The following PPP2R3B variants were observed in gnomAD, a reference collection of about 807,000 sequenced individuals.
PPP2R3B encodes the protein protein phosphatase 2 regulatory subunit B''beta, also known as serine/threonine-protein phosphatase 2A regulatory subunit B'' subunit beta.
PPP2R3B carries 68 observed loss-of-function variants against 72.9 expected under a neutral mutation model. The observed-to-expected ratio is 0.93, with a 90% CI of 0.77 to 1.14. The LOEUF (loss-of-function observed/expected upper bound fraction) is 1.14. PPP2R3B is among the 50% of genes most tolerant of loss of function. PPP2R3B has a pLI of 0.00. For synonymous variants in PPP2R3B, 466 were observed against 375.8 expected (o/e 1.24, Z -2.78); for missense variants, 1,018 against 842.0 (o/e 1.21, Z -2.59).
chrX:367,925 CA>C (rs1231402902), intron 1 of PPP2R3B, among the ~76,000 whole-genome samples: 1 of 152,204 alleles, frequency 6.6e-6, no homozygotes, highest in African/African-American at 2.4e-5. Flanking sequence ...TGAAGTGACA[CA>C]AGGTGATGGA....
intron 1 of PPP2R3B, among the ~76,000 whole-genome samples, chrX:363,662 C>G (rs113861427): frequency 0.29 from 588 of 2,042 alleles, 32 homozygotes; most frequent in South Asian, 0.35. Context: ...CTGTGCCCAC[C>G]ATCCCACAAT....
chrX:345,384 A>G, intron 7 of PPP2R3B, 132 bp downstream of exon 7: 2 of 1,219,724 alleles, frequency 1.6e-6, no homozygotes, highest in Non-Finnish European at 2.3e-6. Flanking sequence ...CAGAGCGGCG[A>G]GTGCGAAGGA....
intron 1 of PPP2R3B, among the ~76,000 whole-genome samples, chrX:379,131 AC>A (rs1271294125): frequency 2.1e-5 from 3 of 145,878 alleles, no homozygotes; most frequent in Non-Finnish European, 3.0e-5. Context: ...GTGTGTATGC[AC>A]CTATGTGTGT....
intron 1 of PPP2R3B, among the ~76,000 whole-genome samples, chrX:374,205 CT>C (rs1303761365): frequency 6.6e-6 from 1 of 152,128 alleles, no homozygotes; most frequent in African/African-American, 2.4e-5. Flanking sequence ...GGCGAAGGCG[CT>C]CCCCGCGAGA....
rs1055869941 is a variant in PPP2R3B at position 341,909 on chromosome X, G to A, written c.1059C>T (p.Asp353=). ...GTGTGACTGCTCCTGAGAAGATCCT[G>A]TCTATCATCTTGGTAGAAAGGGCTG... ...NDHALSTKMI[D]RIFSGAVTRG... is the part of the protein sequence containing the mutation. The change falls in exon 8 of 13, where the codon GAC becomes GAT. Residue 353 remains aspartate (D), a synonymous_variant. Coordinates refer to ENST00000390665, the MANE Select transcript of PPP2R3B (RefSeq NM_013239.5). 4 of 1,612,562 alleles carry A rather than the reference G, an allele frequency of 2.5e-6. No homozygotes were observed. Among genetic ancestry groups the A allele is most frequent in the African/African-American group, 2.7e-5 (2 of 74,944 alleles).
intron 2 of PPP2R3B, among the ~76,000 whole-genome samples, chrX:349,246 C>T (rs1450469651): frequency 2.6e-5 from 4 of 152,222 alleles, no homozygotes; most frequent in African/African-American, 4.8e-5. Flanking sequence ...CCTTCCACCC[C>T]GTGAGGACGC....
intron 12 of PPP2R3B, chrX:335,415 CAA>C (rs1287276834): frequency 1.3e-5 from 2 of 152,370 alleles, no homozygotes; most frequent in East Asian, 3.9e-4. Flanking sequence ...ACCGTGCAAA[CAA>C]TGACCACGAG....
At chrX:347,123 C>G (rs1467328836) in intron 4 of PPP2R3B, 111 bp downstream of exon 4, 1 of 1,212,918 alleles carries the variant, frequency 8.2e-7, no homozygotes, top group African/African-American at 1.6e-5. Flanking sequence ...CGGACCCTCC[C>G]GTGAGGGATG....
chrX:355,559 C>T (rs926599443), intron 2 of PPP2R3B, among the ~76,000 whole-genome samples: 3 of 152,170 alleles, frequency 2.0e-5, no homozygotes, highest in Admixed American at 6.6e-5. Context: ...CCCAGAAAGC[C>T]GGAAGTGGAA....
At chrX:339,276 G>GGC (rs1569376452) in intron 10 of PPP2R3B, among the ~76,000 whole-genome samples, 1 of 150,042 alleles carries the variant, frequency 6.7e-6, no homozygotes. Flanking sequence ...CATGGCCGGG[G>GGC]GGGGCAGGGC....
chrX:345,393 G>A (rs780093497), intron 7 of PPP2R3B, 123 bp downstream of exon 7: 1 of 1,334,214 alleles, frequency 7.5e-7, no homozygotes, highest in Non-Finnish European at 1.0e-6. Context: ...GAGTGCGAAG[G>A]AGAGGCAGCT....
Position 334,109 on chromosome X carries a change from G to A in PPP2R3B, c.*258C>T, listed in dbSNP as rs185984827. 4.6e-5 allele frequency: 17 copies of A among 370,854 alleles called. No homozygotes were observed. Among genetic ancestry groups the A allele is most frequent in the Middle Eastern group, 7.1e-4 (1 of 1,406 alleles). 23.0% of individuals were successfully genotyped at this position (370,854 alleles called of 1,614,324 possible). On this transcript the variant is annotated 3_prime_UTR_variant, in exon 13 of 13. Transcript: ENST00000390665. The stretch of plus-strand genomic sequence containing the variant: ...CAGGCCCCGGAACCCAGGCTGGGTC[G>A]GGAACGGCAAGCGCCAGAGGGTGTC...
rs374576668 is a variant in PPP2R3B at position 340,746 on chromosome X, T to C, written c.1351+19A>G. On this transcript the variant is annotated intron_variant, in intron 10 of 12. Coordinates refer to ENST00000390665, the MANE Select transcript of PPP2R3B (RefSeq NM_013239.5). Reference sequence around the variant, plus strand: ...CCGTCCGTCCCCTCACCCTGGGCCATGCCCTCACGGGGCATCACCTTCAGT... The same window carrying C: ...CCGTCCGTCCCCTCACCCTGGGCCACGCCCTCACGGGGCATCACCTTCAGT... The C allele has an allele frequency of 1.5e-5, 24 of 1,589,634 alleles. No individual in the cohort carries two copies. Among genetic ancestry groups the C allele is most frequent in the Non-Finnish European group, 2.1e-5 (24 of 1,162,042 alleles).
At chrX:361,630 G>T in intron 1 of PPP2R3B, 40 bp from the exon 2 acceptor site, 1 of 1,603,916 alleles carries the variant, frequency 6.2e-7, no homozygotes, top group Non-Finnish European at 8.5e-7. Context: ...GAACCTGGGA[G>T]CATCGAACGC....
chrX:361,806 C>T (rs1309812840), intron 1 of PPP2R3B, among the ~76,000 whole-genome samples: 1 of 152,178 alleles, frequency 6.6e-6, no homozygotes, highest in Admixed American at 6.5e-5. Flanking sequence ...GCCATGGACC[C>T]CACTCTGGGT....
At chrX:343,750 C>G (rs1476608145) in intron 7 of PPP2R3B, among the ~76,000 whole-genome samples, 7 of 38,984 alleles carry the variant, frequency 1.8e-4, no homozygotes, top group Admixed American at 3.0e-4. Flanking sequence ...ACCAAGGAGA[C>G]GCGGGAGTGA....
intron 7 of PPP2R3B, chrX:342,233 G>A: frequency 1.8e-6 from 1 of 560,444 alleles, no homozygotes. Context: ...GACGGAGAGA[G>A]AGACCTCGAG....
chrX:363,633 C>G (rs2071607881), intron 1 of PPP2R3B, among the ~76,000 whole-genome samples: 2 of 119,340 alleles, frequency 1.7e-5, no homozygotes, highest in African/African-American at 6.8e-5. Context: ...CCCGAGCCCA[C>G]CATCCCACAG....
At position 334,010 on chromosome X, in the gene PPP2R3B, G is replaced by A. The variant is rs753746443; in HGVS notation, c.*357C>T. 3.1e-5 allele frequency: 7 copies of A among 227,662 alleles called. No homozygotes were observed. Among genetic ancestry groups the A allele is most frequent in the Admixed American group, 1.2e-4 (2 of 17,320 alleles). 14.1% of individuals were successfully genotyped at this position (227,662 alleles called of 1,614,324 possible). A position where few individuals can be genotyped will look rare whatever the true frequency, so the allele number is the denominator to read the frequency against. ...AAACATTCACACAGCCTGTGGTGGA[G>A]GCTCCTGTCCAGGACTGAGGCGCCC... is the stretch of plus-strand genomic sequence containing the variant. On this transcript the variant is annotated 3_prime_UTR_variant, in exon 13 of 13. Transcript: ENST00000390665.
Sources: allele counts gnomAD v4.1 joint callset (sites outside exome capture counted in the v4.1 genomes callset), GRCh38; gene constraint gnomAD v4.1.1; transcripts MANE v1.5; gene names NCBI Gene and HGNC (gene_info 2026-07-23, HGNC 2026-07-21).